Variants in AKIRIN1 observed in about 807,000 individuals in gnomAD.
AKIRIN1 encodes the protein akirin 1, also known as akirin-1.
In AKIRIN1, 4 loss-of-function variants were observed where a neutral mutation model predicts 25.9. The ratio of observed to expected loss-of-function variants is 0.15; its 90% CI spans 0.08 to 0.35. AKIRIN1 has a LOEUF of 0.35. Ranked by LOEUF, AKIRIN1 falls within the 10% of genes least tolerant of loss-of-function variation. The pLI is 1.00. For synonymous variants in AKIRIN1, 125 were observed against 105.1 expected (o/e 1.19, Z -1.16); for missense variants, 243 against 266.1 (o/e 0.91, Z 0.61).
At chr1:38,994,355 ATCTT>A (rs911988544) in intron 1 of AKIRIN1, among the ~76,000 whole-genome samples, 2 of 152,130 alleles carry the variant, frequency 1.3e-5, no homozygotes, top group African/African-American at 2.4e-5. Flanking sequence ...TATTGCTTAA[ATCTT>A]TATTGAGTGC....
intron 3 of AKIRIN1, among the ~76,000 whole-genome samples, chr1:39,001,740 C>G (rs1049717477): frequency 9.8e-5 from 15 of 152,288 alleles, no homozygotes; most frequent in Non-Finnish European, 1.6e-4. Flanking sequence ...TGAAAAGAAA[C>G]AAACCAAGCT....
At chr1:38,998,674 C>T (rs1234482503) in intron 2 of AKIRIN1, among the ~76,000 whole-genome samples, 1 of 151,928 alleles carries the variant, frequency 6.6e-6, no homozygotes, top group African/African-American at 2.4e-5. Context: ...GAGGCTGAGG[C>T]AGGCGGATCT....
chr1:38,994,480 C>T (rs1643931757), intron 1 of AKIRIN1, among the ~76,000 whole-genome samples: 2 of 152,014 alleles, frequency 1.3e-5, no homozygotes, highest in Admixed American at 1.3e-4. Flanking sequence ...AGAATAACTT[C>T]TGAATTAAGG....
intron 2 of AKIRIN1, among the ~76,000 whole-genome samples, chr1:38,999,252 AG>A (rs1285144758): frequency 6.6e-6 from 1 of 152,240 alleles, no homozygotes; most frequent in African/African-American, 2.4e-5. Context: ...AAAGGTTAAA[AG>A]TTACCTTGGT....
At chr1:38,994,131 A>G (rs1643929614) in intron 1 of AKIRIN1, among the ~76,000 whole-genome samples, 1 of 152,112 alleles carries the variant, frequency 6.6e-6, no homozygotes, top group African/African-American at 2.4e-5. Flanking sequence ...AAATGCTGCA[A>G]AGTCTGAACT....
At position 39,004,850 on chromosome 1, in the gene AKIRIN1, C is replaced by T. The variant is rs1264030141; in HGVS notation, c.*795C>T. ...TCATTCACACAATTATCATAGAGCT[C>T]CCTGGACACTGAACCTCTAAAGGGA... On this transcript the variant is annotated 3_prime_UTR_variant, in exon 5 of 5. Transcript: ENST00000432648. 1 of 152,850 alleles carries T rather than the reference C, an allele frequency of 6.5e-6. No individual in the cohort carries two copies. Among genetic ancestry groups the T allele is most frequent in the African/African-American group, 2.4e-5 (1 of 41,434 alleles). The allele number at this position is 152,850 out of a possible 1,614,324, so 9.5% of individuals were successfully genotyped here.
Position 38,991,480 on chromosome 1 carries a change from C to T in AKIRIN1, c.100C>T (p.Pro34Ser), listed in dbSNP as rs1643904429. 22 of 1,435,692 alleles carry T rather than the reference C, an allele frequency of 1.5e-5. No homozygotes were observed. In the South Asian group the frequency reaches 2.8e-4, roughly 18 times the overall value. The allele number at this position is 1,435,692 out of a possible 1,614,324, so 88.9% of individuals were successfully genotyped here. A position where few individuals can be genotyped will look rare whatever the true frequency, so the allele number is the denominator to read the frequency against. Reference sequence around the variant, plus strand: ...GCGGCGCTGCGCCCCTCTGCCCGGCCCCACTCCGGGCCTCAGGCCCCCGGA... The same window carrying T: ...GCGGCGCTGCGCCCCTCTGCCCGGCTCCACTCCGGGCCTCAGGCCCCCGGA... Reference protein sequence around the residue: ...KRRRCAPLPGPTPGLRPPDAE... With the variant: ...KRRRCAPLPGSTPGLRPPDAE... The change falls in exon 1 of 5, where the codon CCC becomes TCC. Residue 34 changes from proline (P) to serine (S), a missense_variant. By Grantham distance (74) the Pro-to-Ser change is moderately conservative (BLOSUM62 -1). Coordinates refer to ENST00000432648, the MANE Select transcript of AKIRIN1 (RefSeq NM_024595.3).
intron 1 of AKIRIN1, among the ~76,000 whole-genome samples, chr1:38,991,863 A>T (rs1643908618): frequency 1.3e-5 from 2 of 151,738 alleles, no homozygotes; most frequent in African/African-American, 4.8e-5. Context: ...GAAGATGGGA[A>T]TACCTCTGGC....
Position 39,004,501 on chromosome 1 carries a change from T to C in AKIRIN1, c.*446T>C, listed in dbSNP as rs535699624. 4.6e-5 allele frequency: 13 copies of C among 280,660 alleles called. No homozygotes were observed. Among genetic ancestry groups the C allele is most frequent in the South Asian group, 1.0e-4 (3 of 28,954 alleles). 17.4% of individuals were successfully genotyped at this position (280,660 alleles called of 1,614,324 possible). On this transcript the variant is annotated 3_prime_UTR_variant, in exon 5 of 5. Coordinates refer to ENST00000432648, the MANE Select transcript of AKIRIN1 (RefSeq NM_024595.3). ...CTGTGAATTTGGTGCACGACAATTA[T>C]GGTAAAAAAACATTTGCTTGGTCTA...
chr1:38,995,115 C>G (rs1158604732), intron 1 of AKIRIN1, among the ~76,000 whole-genome samples: 1 of 152,158 alleles, frequency 6.6e-6, no homozygotes, highest in Non-Finnish European at 1.5e-5. Context: ...GCATGAGCCA[C>G]TGCGCCTGGC....
intron 3 of AKIRIN1, 73 bp downstream of exon 3, chr1:39,001,179 G>A: frequency 6.7e-7 from 1 of 1,499,832 alleles, no homozygotes; most frequent in South Asian, 1.3e-5. Flanking sequence ...AAATAACTTA[G>A]AAAAAGAGAG....
chr1:39,001,652 C>T (rs572137618), intron 3 of AKIRIN1, among the ~76,000 whole-genome samples: 34 of 152,316 alleles, frequency 2.2e-4, no homozygotes, highest in Admixed American at 5.9e-4. Context: ...AAGTACTCCA[C>T]CTCAGCTTCC....
chr1:38,992,488 C>T (rs1412562594), intron 1 of AKIRIN1, among the ~76,000 whole-genome samples: 3 of 152,138 alleles, frequency 2.0e-5, no homozygotes, highest in African/African-American at 4.8e-5. Context: ...ATTCCTCAAG[C>T]TTAAGCAAAA....
At chr1:38,997,028 T>G (rs1643953175) in intron 1 of AKIRIN1, among the ~76,000 whole-genome samples, 1 of 151,874 alleles carries the variant, frequency 6.6e-6, no homozygotes, top group Non-Finnish European at 1.5e-5. Context: ...ATTGAAGAAG[T>G]AAAGATCCTG....
intron 2 of AKIRIN1, among the ~76,000 whole-genome samples, chr1:39,000,386 C>G (rs1643980997): frequency 6.8e-6 from 1 of 147,250 alleles, no homozygotes. Flanking sequence ...TCTTGTTGCC[C>G]CGTTTGGAGT....
rs1260414648 is a variant in AKIRIN1, at chr1:39,004,819, C to T, written c.*764C>T. 6.5e-6 allele frequency: 1 copy of T among 153,464 alleles called. No individual in the cohort carries two copies. The highest frequency in any genetic ancestry group is 2.4e-5 in the African/African-American group (1 of 41,424). 9.5% of individuals were successfully genotyped at this position (153,464 alleles called of 1,614,324 possible). A position where few individuals can be genotyped will look rare whatever the true frequency, so the allele number is the denominator to read the frequency against. Reference sequence around the variant, plus strand: ...TTAAAATACTCACATGGAGTCAGCGCTCACCTCATTCACACAATTATCATA... The same window carrying T: ...TTAAAATACTCACATGGAGTCAGCGTTCACCTCATTCACACAATTATCATA... On this transcript the variant is annotated 3_prime_UTR_variant, in exon 5 of 5. Coordinates refer to ENST00000432648, the MANE Select transcript of AKIRIN1 (RefSeq NM_024595.3).
intron 1 of AKIRIN1, 142 bp from the exon 2 acceptor site, chr1:38,998,029 G>A (rs1643960344): frequency 1.1e-6 from 1 of 879,392 alleles, no homozygotes; most frequent in Non-Finnish European, 1.7e-6. Flanking sequence ...GTTTATGTCG[G>A]GGGAGGGGGA....
intron 1 of AKIRIN1, 68 bp downstream of exon 1, chr1:38,991,668 GAGGGT>G: frequency 4.6e-6 from 3 of 648,120 alleles, no homozygotes; most frequent in Non-Finnish European, 4.3e-6. Flanking sequence ...GGTGGTGGGG[GAGGGT>G]TGGGAATACC....
chr1:38,998,195 A>G lies in AKIRIN1; in HGVS notation c.245A>G (p.Gln82Arg). ...TPEQIFQNIKQEYSRYQRWRH... is the reference protein window; with the variant it reads ...TPEQIFQNIKREYSRYQRWRH... ...GAGCAAATTTTTCAGAACATAAAAC[A>G]AGAATATAGTCGTTATCAGAGGTGG... Residue 82 changes from glutamine to arginine, a missense_variant, in exon 2 of 5, where the codon CAA becomes CGA. Coordinates refer to ENST00000432648, the MANE Select transcript of AKIRIN1 (RefSeq NM_024595.3). 1 of 1,610,800 alleles carries G rather than the reference A, an allele frequency of 6.2e-7. No individual in the cohort carries two copies. Among genetic ancestry groups the G allele is most frequent in the Non-Finnish European group, 8.5e-7 (1 of 1,178,772 alleles).
Sources: gnomAD v4.1 joint callset for allele counts (sites outside exome capture counted in the v4.1 genomes callset) on GRCh38, gnomAD v4.1.1 for gene constraint, MANE v1.5 for transcripts, NCBI Gene and HGNC (gene_info 2026-07-23, HGNC 2026-07-21) for gene names.